Variants in FRAS1 observed in about 807,000 individuals in gnomAD.
The protein encoded by FRAS1 is Fraser extracellular matrix complex subunit 1.
A neutral mutation model predicts 435.2 loss-of-function variants in FRAS1; 290 were observed. The observed-to-expected ratio is 0.67, with a 90% CI of 0.61 to 0.73. The LOEUF is 0.73. FRAS1 is among the 30% of genes least tolerant of loss of function. The probability of loss-of-function intolerance (pLI) is 0.00; values close to 1 mark genes in which losing one functional copy is unlikely to be tolerated. For synonymous variants in FRAS1, 1,800 were observed against 1,851.0 expected (o/e 0.97, Z 0.71); for missense variants, 4,860 against 5,001.5 (o/e 0.97, Z 0.85).
chr4:78,446,664 T>G, intron 42 of FRAS1, 63 bp from the exon 43 acceptor site: 1 of 1,560,036 alleles, frequency 6.4e-7, no homozygotes, highest in Non-Finnish European at 8.6e-7. Flanking sequence ...TGTCTCTGAA[T>G]AATGTGCATT....
chr4:78,244,560 T>G (rs6822773), intron 3 of FRAS1, among the ~76,000 whole-genome samples: 49,126 of 151,968 alleles, frequency 0.32, 8,407 homozygotes, highest in African/African-American at 0.39. Flanking sequence ...ACAGTGGTGA[T>G]TGGATGGTTG....
chr4:78,305,227 T>C (rs373400583), intron 14 of FRAS1, among the ~76,000 whole-genome samples: 8 of 151,872 alleles, frequency 5.3e-5, no homozygotes, highest in African/African-American at 1.2e-4. Flanking sequence ...GTCTGAGAGA[T>C]AGTTTGTTAT....
chr4:78,111,730 T>C (rs1742714388), intron 2 of FRAS1, among the ~76,000 whole-genome samples: 1 of 119,352 alleles, frequency 8.4e-6, no homozygotes, highest in Non-Finnish European at 1.7e-5. Flanking sequence ...TGTGCACATG[T>C]ACCCTAAAAC....
At chr4:78,327,662 G>A (rs193077875) in intron 18 of FRAS1, among the ~76,000 whole-genome samples, 2 of 152,284 alleles carry the variant, frequency 1.3e-5, no homozygotes, top group Non-Finnish European at 2.9e-5. Context: ...CTCTAAAAAT[G>A]TAGTATTGCA....
chr4:78,324,492 A>G (rs1379800668), intron 18 of FRAS1, among the ~76,000 whole-genome samples: 3 of 152,148 alleles, frequency 2.0e-5, no homozygotes, highest in Non-Finnish European at 4.4e-5. Context: ...ATGTGGGTAT[A>G]TATCCCTTTG....
intron 20 of FRAS1, among the ~76,000 whole-genome samples, chr4:78,345,830 C>A (rs542705274): frequency 6.7e-6 from 1 of 149,886 alleles, no homozygotes; most frequent in Non-Finnish European, 1.5e-5. Flanking sequence ...GAAAAAAGAA[C>A]ATGACCTATG....
At chr4:78,385,044 G>T (rs1006256893) in intron 28 of FRAS1, among the ~76,000 whole-genome samples, 2 of 152,062 alleles carry the variant, frequency 1.3e-5, no homozygotes, top group African/African-American at 4.8e-5. Flanking sequence ...TAGTGTGCCA[G>T]TGTGGCCATC....
At position 78,453,079 on chromosome 4, in the gene FRAS1, A is replaced by G. The variant is rs148298834; in HGVS notation, c.6763+725A>G. Among the ~76,000 whole-genome samples the G allele has an allele frequency of 9.6e-3, 1,468 of 152,318 alleles. 9 individuals carry two copies. The highest frequency in any genetic ancestry group is 0.015 in the Non-Finnish European group (1,043 of 68,024). On this transcript the variant is annotated intron_variant, in intron 47 of 73. Coordinates refer to ENST00000512123, the MANE Select transcript of FRAS1 (RefSeq NM_025074.7). ...ATTTAACTGAAGCACATATTCTAAA[A>G]ATAGTAGGAGATGGGGCTCATGGAT...
intron 18 of FRAS1, among the ~76,000 whole-genome samples, chr4:78,330,914 T>C (rs560753544): frequency 5.3e-5 from 8 of 152,342 alleles, no homozygotes; most frequent in Non-Finnish European, 8.8e-5. Context: ...ATTCGTATCC[T>C]CCTTCCCCTT....
At chr4:78,360,762 T>C (rs1731045446) in intron 20 of FRAS1, among the ~76,000 whole-genome samples, 1 of 152,176 alleles carries the variant, frequency 6.6e-6, no homozygotes, top group Non-Finnish European at 1.5e-5. Context: ...TCCAGCTTCC[T>C]TTAGAATAAT....
Position 78,519,376 on chromosome 4 carries a change from T to C in FRAS1, c.10435T>C (p.Tyr3479His). ...QSFLTVHVPL[Y>H]VSYIYVTAPR... ...CTTCTTGACAGTGCACGTGCCTCTA[T>C]ATGTGTCCTACATCTATGTGACAGC... The change falls in exon 67 of 74, where the codon TAT becomes CAT. Residue 3479 changes from tyrosine (Y) to histidine (H), a missense_variant. Physicochemically the swap from Tyr to His is moderately conservative, Grantham distance 83 (BLOSUM62 2). Coordinates refer to ENST00000512123, the MANE Select transcript of FRAS1 (RefSeq NM_025074.7). 2 of 1,605,708 alleles carry C rather than the reference T, an allele frequency of 1.2e-6. No individual in the cohort carries two copies. The highest frequency in any genetic ancestry group is 1.7e-6 in the Non-Finnish European group (2 of 1,177,324).
chr4:78,212,349 G>A (rs1203772404), intron 2 of FRAS1, among the ~76,000 whole-genome samples: 1 of 152,080 alleles, frequency 6.6e-6, no homozygotes, highest in Non-Finnish European at 1.5e-5. Context: ...GGGTAGTAGT[G>A]CCTCTTGTCT....
intron 4 of FRAS1, among the ~76,000 whole-genome samples, chr4:78,245,869 A>G (rs924763646): frequency 6.6e-6 from 1 of 152,136 alleles, no homozygotes; most frequent in African/African-American, 2.4e-5. Flanking sequence ...TGTGCTTTGC[A>G]TTGTAGGACA....
intron 24 of FRAS1, among the ~76,000 whole-genome samples, chr4:78,373,067 A>C (rs1304986504): frequency 2.0e-5 from 3 of 152,212 alleles, no homozygotes; most frequent in Non-Finnish European, 4.4e-5. Context: ...ATTTGAGGGC[A>C]ATATGGGAAT....
intron 51 of FRAS1, 44 bp downstream of exon 51, chr4:78,470,135 C>A: frequency 1.6e-6 from 2 of 1,239,554 alleles, no homozygotes; most frequent in Non-Finnish European, 2.3e-6. Flanking sequence ...CCAACTTGGG[C>A]TACATCCTTC....
At chr4:78,521,773 A>G (rs1560424890) in intron 68 of FRAS1, 143 bp downstream of exon 68, 1 of 555,636 alleles carries the variant, frequency 1.8e-6, no homozygotes, top group South Asian at 2.3e-5. Flanking sequence ...ACATCCATCC[A>G]TACATATCTT....
intron 16 of FRAS1, among the ~76,000 whole-genome samples, chr4:78,316,508 C>G (rs1307948816): frequency 6.6e-6 from 1 of 152,116 alleles, no homozygotes; most frequent in African/African-American, 2.4e-5. Flanking sequence ...GTCCTGCCCC[C>G]ACGTTCTCAT....
intron 2 of FRAS1, among the ~76,000 whole-genome samples, chr4:78,100,598 C>T (rs998720793): frequency 1.3e-5 from 2 of 152,242 alleles, no homozygotes; most frequent in Non-Finnish European, 2.9e-5. Context: ...GCGGCACAGG[C>T]CTTACTCTCA....
At chr4:78,538,646 A>G (rs559873574) in intron 72 of FRAS1, among the ~76,000 whole-genome samples, 3 of 152,268 alleles carry the variant, frequency 2.0e-5, no homozygotes, top group African/African-American at 7.2e-5. Context: ...AGCAGAGGGG[A>G]AAAAGCCTCT....
Sources: allele counts gnomAD v4.1 joint callset (sites outside exome capture counted in the v4.1 genomes callset), GRCh38; gene constraint gnomAD v4.1.1; transcripts MANE v1.5; gene names NCBI Gene and HGNC (gene_info 2026-07-23, HGNC 2026-07-21).